The following CFAP52 variants were observed in gnomAD, a reference collection of about 807,000 sequenced individuals.
CFAP52 encodes the protein cilia- and flagella-associated protein 52.
Under a neutral mutation model 70.5 loss-of-function variants are expected in CFAP52, and 57 were observed. The ratio of observed to expected loss-of-function variants is 0.81; its 90% CI spans 0.65 to 1.01. The LOEUF is 1.01. Ranked by LOEUF, CFAP52 falls within the 50% of genes least tolerant of loss-of-function variation. CFAP52 has a pLI of 0.00. For synonymous variants in CFAP52, 267 were observed against 292.5 expected (o/e 0.91, Z 0.89); for missense variants, 785 against 788.5 (o/e 1.00, Z 0.05).
rs146475642 is a variant in CFAP52 at position 9,624,067 on chromosome 17, C to G, written c.1026-4605C>G. On this transcript the variant is annotated intron_variant, in intron 8 of 13. Coordinates refer to ENST00000352665, the MANE Select transcript of CFAP52 (RefSeq NM_145054.5). ...AGTCATTCTGTATTCTTATGATTTTCTTCTTTATAATATGTCATTTTTCTG... is the reference window on the plus strand; with the variant it reads ...AGTCATTCTGTATTCTTATGATTTTGTTCTTTATAATATGTCATTTTTCTG... 5.1e-4 allele frequency among the ~76,000 whole-genome samples: 78 copies of G among 152,122 alleles called. 1 individual carries two copies. In the Middle Eastern group the frequency reaches 0.01, roughly 20 times the overall value.
At chr17:9,623,670 T>G (rs867560054) in intron 8 of CFAP52, among the ~76,000 whole-genome samples, 34 of 151,054 alleles carry the variant, frequency 2.3e-4, no homozygotes, top group Non-Finnish European at 2.8e-4. Context: ...GCTTAGCTTT[T>G]TTTGTTTGTT....
At chr17:9,636,253 G>A (rs389995) in intron 11 of CFAP52, among the ~76,000 whole-genome samples, 30,604 of 107,280 alleles carry the variant, frequency 0.29, 5,609 homozygotes, top group African/African-American at 0.59. Context: ...GAAAGAAAGA[G>A]AAAGAAAAAT....
intron 3 of CFAP52, among the ~76,000 whole-genome samples, chr17:9,591,073 T>TTG (rs1908733027): frequency 7.1e-6 from 1 of 140,844 alleles, no homozygotes. Context: ...GTTTCACTCT[T>TTG]GTTTCCCAGG....
intron 1 of CFAP52, among the ~76,000 whole-genome samples, chr17:9,580,817 C>T (rs994353636): frequency 1.4e-4 from 22 of 151,920 alleles, no homozygotes; most frequent in Admixed American, 2.6e-4. Context: ...TTACTACTGC[C>T]GGTATTAATT....
Position 9,643,231 on chromosome 17 carries a change from CACGCAGTCCTGTTGA to C in CFAP52, c.*35_*49del. ...GAGATGTCTCTGAGCCTTGGCGTTG[CACGCAGTCCTGTTGA>C]AGACTGAGTTTAGATAACTCCAACA... On this transcript the variant is annotated 3_prime_UTR_variant, in exon 14 of 14. Transcript: ENST00000352665. The C allele has an allele frequency of 6.5e-7, 1 of 1,540,590 alleles. No homozygotes were observed. Among genetic ancestry groups the C allele is most frequent in the Non-Finnish European group, 8.8e-7 (1 of 1,138,816 alleles).
rs755450527 is a variant in CFAP52, at chr17:9,612,440, C to G, written c.986C>G (p.Thr329Ser). Residue 329 changes from threonine to serine, a missense_variant, in exon 8 of 14, where the codon ACT (threonine) becomes AGT (serine). Transcript: ENST00000352665. ...FTDFKETLIA[T>S]CHFDAVEDIV... ...GATTTCAAAGAGACGCTCATAGCGA[C>G]TTGTCACTTTGATGCTGTCGAGGAT... 1.2e-6 allele frequency: 2 copies of G among 1,614,068 alleles called. No individual in the cohort carries two copies. Among genetic ancestry groups the G allele is most frequent in the African/African-American group, 2.7e-5 (2 of 74,942 alleles).
intron 1 of CFAP52, among the ~76,000 whole-genome samples, chr17:9,585,444 G>A (rs939904271): frequency 5.9e-5 from 9 of 152,086 alleles, no homozygotes; most frequent in Admixed American, 1.3e-4. Context: ...TAAGGTGGAC[G>A]GATCACGAGG....
At chr17:9,591,577 T>A (rs949800683) in intron 3 of CFAP52, among the ~76,000 whole-genome samples, 3 of 152,210 alleles carry the variant, frequency 2.0e-5, no homozygotes, top group Non-Finnish European at 4.4e-5. Flanking sequence ...TATCTATTTT[T>A]AAAACAAATT....
intron 4 of CFAP52, among the ~76,000 whole-genome samples, chr17:9,597,801 G>GAA: frequency 8.2e-6 from 1 of 121,784 alleles, no homozygotes; most frequent in South Asian, 3.2e-4. Context: ...GACTCTGTCA[G>GAA]AAAGAGAGAG....
chr17:9,584,210 G>A, intron 1 of CFAP52: 1 of 1,246,528 alleles, frequency 8.0e-7, no homozygotes, highest in Non-Finnish European at 1.0e-6. Flanking sequence ...TGTTTTTAGT[G>A]AATAAACTAC....
chr17:9,579,725 G>A (rs895708737), intron 1 of CFAP52, among the ~76,000 whole-genome samples: 2 of 152,082 alleles, frequency 1.3e-5, no homozygotes, highest in Admixed American at 6.5e-5. Context: ...CCACCACCAC[G>A]CCTGGCTAAT....
intron 9 of CFAP52, among the ~76,000 whole-genome samples, chr17:9,630,777 G>A (rs563181203): frequency 6.7e-6 from 1 of 150,352 alleles, no homozygotes; most frequent in Non-Finnish European, 1.5e-5. Context: ...CCTGAGGTCA[G>A]GAGTTTGAGA....
intron 3 of CFAP52, among the ~76,000 whole-genome samples, chr17:9,592,022 G>A (rs1242363154): frequency 2.6e-5 from 4 of 152,128 alleles, no homozygotes; most frequent in Non-Finnish European, 4.4e-5. Flanking sequence ...ACTACCCAGA[G>A]GCACTTGGAT....
chr17:9,615,935 C>T (rs1909891282), intron 8 of CFAP52, among the ~76,000 whole-genome samples: 1 of 151,720 alleles, frequency 6.6e-6, no homozygotes, highest in Non-Finnish European at 1.5e-5. Context: ...GCATGAGCCA[C>T]TGCAGTCAAC....
chr17:9,610,799 A>G (rs947721614), intron 7 of CFAP52, among the ~76,000 whole-genome samples: 2 of 152,102 alleles, frequency 1.3e-5, no homozygotes, highest in African/African-American at 4.8e-5. Flanking sequence ...TTGGCCTCCC[A>G]AAGTGCTAGG....
At chr17:9,642,105 C>T (rs556108566) in intron 13 of CFAP52, among the ~76,000 whole-genome samples, 1 of 152,296 alleles carries the variant, frequency 6.6e-6, no homozygotes, top group African/African-American at 2.4e-5. Context: ...TTTTGGTGGG[C>T]ATTGATAATA....
At chr17:9,611,555 G>A (rs935028699) in intron 7 of CFAP52, among the ~76,000 whole-genome samples, 9 of 151,866 alleles carry the variant, frequency 5.9e-5, no homozygotes, top group East Asian at 1.9e-4. Flanking sequence ...TTTAGAGACA[G>A]GGTCTTGCCA....
intron 12 of CFAP52, 156 bp downstream of exon 12, chr17:9,638,867 T>C (rs1472319980): frequency 1.5e-6 from 1 of 647,156 alleles, no homozygotes; most frequent in African/African-American, 1.8e-5. Flanking sequence ...CCATATCACC[T>C]TCCAGTGTCT....
intron 12 of CFAP52, among the ~76,000 whole-genome samples, chr17:9,639,885 G>A (rs1247003492): frequency 1.3e-5 from 2 of 152,164 alleles, no homozygotes; most frequent in Non-Finnish European, 2.9e-5. Context: ...CCAGGAGAGT[G>A]TCAATTTGGC....
Sources: gnomAD v4.1 joint callset for allele counts (sites outside exome capture counted in the v4.1 genomes callset) on GRCh38, gnomAD v4.1.1 for gene constraint, MANE v1.5 for transcripts, NCBI Gene and HGNC (gene_info 2026-07-23, HGNC 2026-07-21) for gene names.